RAD51B: variants seen among roughly 807,000 people sequenced by gnomAD.
The protein encoded by RAD51B is DNA repair protein RAD51 homolog 2.
In RAD51B, 38 loss-of-function variants were observed where a neutral mutation model predicts 42.2. The ratio of observed to expected loss-of-function variants is 0.90; its 90% confidence interval spans 0.70 to 1.18. The LOEUF is 1.18. Among genes scored for constraint, RAD51B ranks in the 50% most tolerant of loss-of-function variants. The pLI, the probability that RAD51B is intolerant of heterozygous loss-of-function variation, is 0.00. For synonymous variants in RAD51B, 154 were observed against 145.2 expected (o/e 1.06, Z -0.43); for missense variants, 373 against 400.7 (o/e 0.93, Z 0.59).
intron 7 of RAD51B, among the ~76,000 whole-genome samples, chr14:68,256,821 G>T (rs948125565): frequency 1.3e-5 from 2 of 152,054 alleles, no homozygotes; most frequent in Non-Finnish European, 2.9e-5. Flanking sequence ...CACAGGAAGC[G>T]ATTGAATAGA....
intron 7 of RAD51B, among the ~76,000 whole-genome samples, chr14:68,271,039 G>A (rs1440007984): frequency 6.6e-6 from 1 of 152,134 alleles, no homozygotes; most frequent in Admixed American, 6.5e-5. Context: ...TTCCCATGAA[G>A]CCTCTGTCGC....
At chr14:68,155,740 G>T (rs187364446) in intron 7 of RAD51B, among the ~76,000 whole-genome samples, 28 of 152,308 alleles carry the variant, frequency 1.8e-4, no homozygotes, top group African/African-American at 6.5e-4. Context: ...AGTTTGAAAA[G>T]TAGAAAAGTT....
intron 7 of RAD51B, among the ~76,000 whole-genome samples, chr14:67,995,762 C>T (rs572313976): frequency 2.6e-5 from 4 of 151,950 alleles, no homozygotes; most frequent in South Asian, 4.2e-4. Flanking sequence ...GGACTACAGG[C>T]GCCCGCCACC....
At chr14:68,113,636 T>C (rs555815857) in intron 7 of RAD51B, 1 of 152,242 alleles carries the variant, frequency 6.6e-6, no homozygotes, top group South Asian at 2.1e-4. Context: ...CTGATTACTG[T>C]GAGAAGGCTT....
At chr14:68,078,877 CTA>C (rs754174392) in intron 7 of RAD51B, among the ~76,000 whole-genome samples, 19 of 152,086 alleles carry the variant, frequency 1.2e-4, no homozygotes, top group Admixed American at 4.6e-4. Context: ...GTAGTCCCAG[CTA>C]TTCAGGAGGT....
intron 7 of RAD51B, among the ~76,000 whole-genome samples, chr14:67,988,745 G>A (rs537793783): frequency 2.0e-5 from 3 of 152,294 alleles, no homozygotes; most frequent in South Asian, 4.1e-4. Context: ...TGATGGCCCT[G>A]CAGTATTAAA....
intron 3 of RAD51B, among the ~76,000 whole-genome samples, chr14:67,831,547 T>G (rs1373051863): frequency 6.6e-6 from 1 of 152,144 alleles, no homozygotes; most frequent in African/African-American, 2.4e-5. Context: ...ATTTTATTCC[T>G]TTTTTTGAGA....
chr14:68,305,676 G>A (rs903025705), intron 8 of RAD51B, among the ~76,000 whole-genome samples: 5 of 152,184 alleles, frequency 3.3e-5, no homozygotes, highest in African/African-American at 1.2e-4. Context: ...CACTGCCTTA[G>A]GATGTCAGGG....
chr14:68,430,341 T>C (rs1269754647), intron 9 of RAD51B, among the ~76,000 whole-genome samples: 1 of 152,216 alleles, frequency 6.6e-6, no homozygotes, highest in Non-Finnish European at 1.5e-5. Context: ...CCTTGGGCAG[T>C]ATGGCCATTT....
At chr14:68,503,382 G>A (rs1039273782) in intron 10 of RAD51B, among the ~76,000 whole-genome samples, 1 of 43,362 alleles carries the variant, frequency 2.3e-5, no homozygotes, top group Admixed American at 3.1e-4. Context: ...GTAGACAGAG[G>A]GCCTCAGGGA....
Position 68,385,876 on chromosome 14 carries a change from G to A in RAD51B, c.854-25548G>A, listed in dbSNP as rs550803780. On this transcript the variant is annotated intron_variant, in intron 8 of 10. Coordinates refer to ENST00000471583, the MANE Select transcript of RAD51B (RefSeq NM_133510.4). ...ATGCAATCCCATTTATTGGTACCCA[G>A]GAAGTAGACACTATTACATCTCTGA... Among the ~76,000 whole-genome samples the A allele has an allele frequency of 1.5e-4, 23 of 152,292 alleles. No homozygotes were observed. The South Asian group carries it at 2.1e-3, about 14-fold the overall frequency.
chr14:68,445,919 G>A (rs2085409854), intron 9 of RAD51B, among the ~76,000 whole-genome samples: 1 of 152,230 alleles, frequency 6.6e-6, no homozygotes, highest in African/African-American at 2.4e-5. Context: ...AGGTATTGGA[G>A]GCAATGATTC....
At chr14:68,086,686 G>T (rs943087227) in intron 7 of RAD51B, among the ~76,000 whole-genome samples, 2 of 152,186 alleles carry the variant, frequency 1.3e-5, no homozygotes, top group Non-Finnish European at 2.9e-5. Flanking sequence ...CCAAAGCACA[G>T]GGAGAATTAA....
At chr14:68,654,645 C>G (rs1358121468) in intron 11 of RAD51B, among the ~76,000 whole-genome samples, 1 of 152,176 alleles carries the variant, frequency 6.6e-6, no homozygotes. Context: ...CACTTCCTGC[C>G]TGCAGTTGGT....
At chr14:67,846,485 TG>T (rs962494688) in intron 4 of RAD51B, among the ~76,000 whole-genome samples, 11 of 152,004 alleles carry the variant, frequency 7.2e-5, no homozygotes, top group African/African-American at 2.4e-4. Context: ...GTAGGGCAGG[TG>T]GGGGCGTGGC....
chr14:68,115,393 T>G (rs2077525195), intron 7 of RAD51B, among the ~76,000 whole-genome samples: 1 of 97,734 alleles, frequency 1.0e-5, no homozygotes, highest in Non-Finnish European at 1.9e-5. Context: ...TGGGGACTGT[T>G]GTGGGGTGGG....
intron 10 of RAD51B, among the ~76,000 whole-genome samples, chr14:68,568,122 A>C (rs779426226): frequency 1.3e-4 from 20 of 152,258 alleles, no homozygotes; most frequent in Non-Finnish European, 2.4e-4. Flanking sequence ...CACCAATGAT[A>C]CAAAAAATGA....
chr14:68,555,758 A>G (rs138321457), intron 10 of RAD51B, among the ~76,000 whole-genome samples: 10 of 152,294 alleles, frequency 6.6e-5, no homozygotes, highest in Non-Finnish European at 1.3e-4. Flanking sequence ...AATAAAACAG[A>G]CAAGACCCTG....
chr14:68,168,255 G>A (rs1467931253), intron 7 of RAD51B, among the ~76,000 whole-genome samples: 1 of 152,132 alleles, frequency 6.6e-6, no homozygotes, highest in Admixed American at 6.6e-5. Flanking sequence ...AATCAGGACA[G>A]TAGTACAAAG....
Sources: gnomAD v4.1 joint callset for allele counts (sites outside exome capture counted in the v4.1 genomes callset) on GRCh38, gnomAD v4.1.1 for gene constraint, MANE v1.5 for transcripts, NCBI Gene and HGNC (gene_info 2026-07-23, HGNC 2026-07-21) for gene names.